GUCY1A2: variants seen among roughly 807,000 people sequenced by gnomAD.
GUCY1A2 encodes guanylate cyclase soluble subunit alpha-2.
A neutral mutation model predicts 63.5 loss-of-function variants in GUCY1A2; 27 were observed. The ratio of observed to expected loss-of-function variants is 0.43; its 90% CI spans 0.31 to 0.59. The LOEUF (loss-of-function observed/expected upper bound fraction) is 0.59, where lower values mean the gene tolerates loss of function less well. Ranked by LOEUF, GUCY1A2 falls within the 20% of genes least tolerant of loss-of-function variation. The pLI is 0.11. For synonymous variants in GUCY1A2, 364 were observed against 343.5 expected (o/e 1.06, Z -0.66); for missense variants, 768 against 913.3 (o/e 0.84, Z 2.05).
intron 7 of GUCY1A2, among the ~76,000 whole-genome samples, chr11:106,701,731 T>A (rs1161177127): frequency 5.3e-5 from 8 of 152,130 alleles, no homozygotes; most frequent in Non-Finnish European, 1.5e-5. Flanking sequence ...TGAATAGGGT[T>A]AATGATAATT....
At chr11:106,806,984 A>G (rs1183025908) in intron 5 of GUCY1A2, among the ~76,000 whole-genome samples, 1 of 152,150 alleles carries the variant, frequency 6.6e-6, no homozygotes, top group African/African-American at 2.4e-5. Flanking sequence ...AAATTTAGAG[A>G]CTAGTATCTC....
chr11:106,694,589 T>C (rs1008499236), intron 7 of GUCY1A2, among the ~76,000 whole-genome samples: 1 of 152,210 alleles, frequency 6.6e-6, no homozygotes, highest in Non-Finnish European at 1.5e-5. Context: ...CTCCAGTTTT[T>C]AGCTTCCTAA....
intron 4 of GUCY1A2, among the ~76,000 whole-genome samples, chr11:106,840,812 A>T (rs1050863109): frequency 9.9e-5 from 15 of 151,964 alleles, no homozygotes; most frequent in Non-Finnish European, 2.1e-4. Context: ...ATTCCGAACA[A>T]TTCAGCTATT....
intron 1 of GUCY1A2, among the ~76,000 whole-genome samples, chr11:107,010,098 G>C (rs1003328562): frequency 6.6e-6 from 1 of 152,024 alleles, no homozygotes; most frequent in Non-Finnish European, 1.5e-5. Context: ...CTCTGGAAGT[G>C]ATTTCTCACT....
At chr11:106,902,231 G>A (rs920168241) in intron 4 of GUCY1A2, among the ~76,000 whole-genome samples, 5 of 152,150 alleles carry the variant, frequency 3.3e-5, no homozygotes, top group Admixed American at 6.6e-5. Context: ...TTTACTGAGC[G>A]GTAAGTCTTA....
chr11:106,968,807 C>G (rs1861159162), intron 3 of GUCY1A2, among the ~76,000 whole-genome samples: 1 of 1,832 alleles, frequency 5.5e-4, no homozygotes. Context: ...TACTAGAAAA[C>G]TTACCATTTC....
At chr11:106,802,156 C>A (rs541276470) in intron 5 of GUCY1A2, among the ~76,000 whole-genome samples, 1 of 152,230 alleles carries the variant, frequency 6.6e-6, no homozygotes, top group South Asian at 2.1e-4. Flanking sequence ...GTGAGATTTG[C>A]AGATTGCATT....
chr11:106,776,689 A>T (rs1448233534), intron 5 of GUCY1A2, 107 bp from the exon 6 acceptor site: 14 of 1,054,592 alleles, frequency 1.3e-5, no homozygotes, highest in Non-Finnish European at 2.0e-5. Flanking sequence ...TCGGCAAAAC[A>T]TCAATAAATT....
At position 106,776,047 on chromosome 11, in the gene GUCY1A2, A is replaced by G. The variant is rs117422505; in HGVS notation, c.1836+392T>C. On this transcript the variant is annotated intron_variant, in intron 6 of 7. Transcript: ENST00000526355. ...GTTTCACAAGGAATACCTGTATACT[A>G]TCTACAGGAAGTTGCGCAGGTCCTC... Among the ~76,000 whole-genome samples, 534 of 152,274 alleles carry G rather than the reference A, an allele frequency of 3.5e-3. 8 individuals carry two copies. Among genetic ancestry groups the G allele is most frequent in the East Asian group, 0.029 (152 of 5,170 alleles).
intron 3 of GUCY1A2, among the ~76,000 whole-genome samples, chr11:106,958,179 C>T (rs778874144): frequency 6.6e-5 from 10 of 152,122 alleles, no homozygotes; most frequent in Non-Finnish European, 1.2e-4. Flanking sequence ...TTGTTTAAAG[C>T]AGAATTTGTG....
intron 6 of GUCY1A2, among the ~76,000 whole-genome samples, chr11:106,714,727 C>A (rs1216940355): frequency 6.6e-6 from 1 of 150,582 alleles, no homozygotes; most frequent in Non-Finnish European, 1.5e-5. Context: ...TGTCTGGAAG[C>A]ATTTTTGATT....
chr11:106,954,793 G>T lies in GUCY1A2; in HGVS notation c.488-14615C>A, dbSNP rs542562104. 4.4e-4 allele frequency among the ~76,000 whole-genome samples: 67 copies of T among 152,146 alleles called. 1 individual carries two copies. The highest frequency in any genetic ancestry group is 1.5e-3 in the African/African-American group (62 of 41,512). On this transcript the variant is annotated intron_variant, in intron 3 of 7. Coordinates refer to ENST00000526355, the MANE Select transcript of GUCY1A2 (RefSeq NM_000855.3). ...CTTTTTGTATTTTTGTTTGTTTAAA[G>T]TCTGTTTTGTCAGGGACTAGGATTG...
chr11:106,685,540 T>C lies in GUCY1A2; in HGVS notation c.*2009A>G. ...AACATTTTATTGATTTAATATACCA[T>C]AATAAGTTCTAAGTTACTGAAGACA... On this transcript the variant is annotated 3_prime_UTR_variant, in exon 8 of 8. Transcript: ENST00000526355. 4.4e-6 allele frequency: 1 copy of C among 226,712 alleles called. No individual in the cohort carries two copies. The highest frequency in any genetic ancestry group is 8.8e-6 in the Non-Finnish European group (1 of 113,912). The allele number at this position is 226,712 out of a possible 1,614,324, so 14.0% of individuals were successfully genotyped here.
chr11:106,816,955 T>C (rs1469156452), intron 4 of GUCY1A2, among the ~76,000 whole-genome samples: 1 of 152,036 alleles, frequency 6.6e-6, no homozygotes, highest in Non-Finnish European at 1.5e-5. Context: ...ATGTATAATT[T>C]AAAGTTTTTT....
At chr11:106,796,747 T>C (rs1023305610) in intron 5 of GUCY1A2, among the ~76,000 whole-genome samples, 1 of 152,138 alleles carries the variant, frequency 6.6e-6, no homozygotes, top group Non-Finnish European at 1.5e-5. Context: ...CTGACAATTA[T>C]GTGTTTTGGA....
At chr11:106,755,870 G>T (rs1405204843) in intron 6 of GUCY1A2, among the ~76,000 whole-genome samples, 1 of 152,112 alleles carries the variant, frequency 6.6e-6, no homozygotes, top group Non-Finnish European at 1.5e-5. Flanking sequence ...GGTCCACTCG[G>T]TCCACAGCAG....
Position 106,681,674 on chromosome 11 carries a change from T to C in GUCY1A2, c.*5875A>G. The C allele has an allele frequency of 4.5e-6, 1 of 221,598 alleles. No individual in the cohort carries two copies. The allele number at this position is 221,598 out of a possible 1,614,324, so 13.7% of individuals were successfully genotyped here. A position where few individuals can be genotyped will look rare whatever the true frequency, so the allele number is the denominator to read the frequency against. ...ACTTGCTGCTCATTTTGCTACAGAA[T>C]AATGAGTATCTTTAAAAAGTCCACA... On this transcript the variant is annotated 3_prime_UTR_variant, in exon 8 of 8. Transcript: ENST00000526355.
chr11:106,956,333 T>C (rs1158339603), intron 3 of GUCY1A2, among the ~76,000 whole-genome samples: 3 of 152,068 alleles, frequency 2.0e-5, no homozygotes, highest in African/African-American at 7.2e-5. Context: ...GACATTGTAA[T>C]CATTTGGAGA....
chr11:106,894,059 T>C (rs1860011857), intron 4 of GUCY1A2, among the ~76,000 whole-genome samples: 1 of 152,170 alleles, frequency 6.6e-6, no homozygotes, highest in Admixed American at 6.6e-5. Flanking sequence ...ATGTAATCAC[T>C]GCCTATCCTA....
Sources: allele counts gnomAD v4.1 joint callset (sites outside exome capture counted in the v4.1 genomes callset), GRCh38; gene constraint gnomAD v4.1.1; transcripts MANE v1.5; gene names NCBI Gene and HGNC (gene_info 2026-07-23, HGNC 2026-07-21).